CACNA1D: variants seen among roughly 807,000 people sequenced by gnomAD.
The protein encoded by CACNA1D is voltage-dependent L-type calcium channel subunit alpha-1D.
CACNA1D carries 55 observed loss-of-function variants against 257.1 expected under a neutral mutation model. The observed-to-expected ratio is 0.21, with a 90% confidence interval of 0.17 to 0.27. The LOEUF is 0.27. Among genes scored for constraint, CACNA1D ranks in the 10% least tolerant of loss-of-function variants. CACNA1D has a pLI of 1.00. For synonymous variants in CACNA1D, 980 were observed against 1,014.9 expected, an observed-to-expected ratio of 0.97 and a Z score of 0.65; for missense variants, 1,876 against 2,784.0, an observed-to-expected ratio of 0.67 and a Z score of 7.34.
intron 40 of CACNA1D, among the ~76,000 whole-genome samples, chr3:53,795,564 A>T (rs903035964): frequency 6.6e-6 from 1 of 152,246 alleles, no homozygotes; most frequent in South Asian, 2.1e-4. Flanking sequence ...CCTTCCTCCC[A>T]GAATCTAGTG....
chr3:53,734,540 G>A (rs141275131), intron 19 of CACNA1D, among the ~76,000 whole-genome samples: 2 of 152,040 alleles, frequency 1.3e-5, no homozygotes, highest in African/African-American at 4.8e-5. Context: ...GTCAAACATT[G>A]AGGGTATGGA....
intron 8 of CACNA1D, among the ~76,000 whole-genome samples, chr3:53,682,395 A>C (rs889718295): frequency 7.3e-6 from 1 of 137,612 alleles, no homozygotes; most frequent in African/African-American, 2.7e-5. Context: ...AAAAAAAAAA[A>C]ACAGAAGTCT....
intron 7 of CACNA1D, among the ~76,000 whole-genome samples, chr3:53,671,195 T>TGGA (rs2108398813): frequency 6.6e-6 from 1 of 152,364 alleles, no homozygotes; most frequent in African/African-American, 2.4e-5. Flanking sequence ...CAGCTGTTAC[T>TGGA]AGAGCCATTC....
Position 53,774,345 on chromosome 3 carries a change from C to T in CACNA1D, c.4111-242C>T, listed in dbSNP as rs2109024674. The T allele has an allele frequency of 2.0e-6, 1 of 502,004 alleles. No homozygotes were observed. Among genetic ancestry groups the T allele is most frequent in the South Asian group, 2.1e-5 (1 of 48,744 alleles). 31.1% of individuals were successfully genotyped at this position (502,004 alleles called of 1,614,324 possible). Reference sequence around the variant, plus strand: ...ATGTTGCCTGGCTACCTTTGTGTCTCCCCCAGGGGAGATCCGCGAATGTGA... The same window carrying T: ...ATGTTGCCTGGCTACCTTTGTGTCTTCCCCAGGGGAGATCCGCGAATGTGA... On this transcript the variant is annotated intron_variant, in intron 33 of 47. Transcript: ENST00000350061. This position sits in a 1 kb window ranked among gnomAD's most constrained non-coding sequence, Gnocchi z 4.3.
intron 8 of CACNA1D, among the ~76,000 whole-genome samples, chr3:53,689,355 T>A (rs2094499974): frequency 6.6e-6 from 1 of 151,796 alleles, no homozygotes. Flanking sequence ...GGGTTTTTTT[T>A]TTTTTCTTTA....
chr3:53,806,668 G>C (rs1280295024), intron 45 of CACNA1D, among the ~76,000 whole-genome samples: 1 of 152,184 alleles, frequency 6.6e-6, no homozygotes, highest in African/African-American at 2.4e-5. Context: ...TCTGCCAACT[G>C]CATATACTAT....
intron 9 of CACNA1D, among the ~76,000 whole-genome samples, chr3:53,712,156 G>T (rs375296875): frequency 3.9e-5 from 6 of 152,230 alleles, no homozygotes; most frequent in African/African-American, 1.2e-4. Flanking sequence ...CTGAATGCAG[G>T]CTTGGGCCTT....
intron 3 of CACNA1D, among the ~76,000 whole-genome samples, chr3:53,563,005 G>A (rs893402622): frequency 3.3e-5 from 5 of 152,180 alleles, no homozygotes; most frequent in Non-Finnish European, 5.9e-5. Context: ...GCCTGTAACC[G>A]AATTTGCCTA....
intron 22 of CACNA1D, among the ~76,000 whole-genome samples, chr3:53,743,409 C>T (rs2095136076): frequency 6.6e-6 from 1 of 152,192 alleles, no homozygotes; most frequent in South Asian, 2.1e-4. Flanking sequence ...AGGTTCTAGT[C>T]CTGGTTCCTC....
intron 21 of CACNA1D, among the ~76,000 whole-genome samples, chr3:53,740,970 G>A (rs777978718): frequency 1.3e-5 from 2 of 152,184 alleles, no homozygotes. Flanking sequence ...TTGTGTTAAG[G>A]TATTTTCTGT....
chr3:53,598,175 A>G (rs1470565056), intron 3 of CACNA1D, among the ~76,000 whole-genome samples: 2 of 152,140 alleles, frequency 1.3e-5, no homozygotes, highest in Non-Finnish European at 2.9e-5. Context: ...GTAAATTTTC[A>G]ATATTATACA....
intron 3 of CACNA1D, among the ~76,000 whole-genome samples, chr3:53,558,429 A>G (rs891269056): frequency 2.6e-5 from 4 of 152,166 alleles, no homozygotes; most frequent in Non-Finnish European, 5.9e-5. Context: ...CAATCTCTTC[A>G]GTTATTATAG....
chr3:53,791,175 C>T (rs2095480774), intron 40 of CACNA1D: 3 of 606,576 alleles, frequency 4.9e-6, no homozygotes, highest in Admixed American at 5.6e-5. Context: ...GCAAAGCACT[C>T]CTCCGGAAGG....
intron 3 of CACNA1D, among the ~76,000 whole-genome samples, chr3:53,649,495 T>C (rs373649671): frequency 6.6e-6 from 1 of 152,150 alleles, no homozygotes; most frequent in East Asian, 1.9e-4. Context: ...AGAAATTCTC[T>C]GTGTGTACAT....
At chr3:53,771,952 T>C (rs982397236) in intron 32 of CACNA1D, among the ~76,000 whole-genome samples, 7 of 152,218 alleles carry the variant, frequency 4.6e-5, no homozygotes, top group African/African-American at 1.7e-4. Flanking sequence ...TGAAGGTGGC[T>C]GAGCACCTGT....
chr3:53,777,834 G>A (rs1042042150), intron 37 of CACNA1D, among the ~76,000 whole-genome samples: 1 of 152,230 alleles, frequency 6.6e-6, no homozygotes, highest in Non-Finnish European at 1.5e-5. Flanking sequence ...AACTCACGGT[G>A]TAGCACCTTA....
At chr3:53,534,602 T>C (rs981120814) in intron 3 of CACNA1D, among the ~76,000 whole-genome samples, 2 of 152,154 alleles carry the variant, frequency 1.3e-5, no homozygotes, top group African/African-American at 4.8e-5. Context: ...TGTCCCCGTC[T>C]CTCTCTGCCC....
chr3:53,769,398 G>A (rs2095353894), intron 30 of CACNA1D, among the ~76,000 whole-genome samples: 1 of 152,230 alleles, frequency 6.6e-6, no homozygotes, highest in Non-Finnish European at 1.5e-5. Flanking sequence ...CTGTAGGGAA[G>A]CCTGCCTCTC....
At chr3:53,707,086 T>G (rs1559546629) in intron 9 of CACNA1D, among the ~76,000 whole-genome samples, 1 of 152,076 alleles carries the variant, frequency 6.6e-6, no homozygotes, top group Non-Finnish European at 1.5e-5. Flanking sequence ...ATTTCTAGTT[T>G]GGCGGTGCTT....
Sources: gnomAD v4.1 joint callset for allele counts (sites outside exome capture counted in the v4.1 genomes callset) on GRCh38, gnomAD v4.1.1 for gene constraint, Gnocchi (gnomAD v3.1) non-coding constraint, MANE v1.5 for transcripts, NCBI Gene and HGNC (gene_info 2026-07-23, HGNC 2026-07-21) for gene names.